Variants in PLCL2 observed in about 807,000 individuals in gnomAD.
The protein encoded by PLCL2 is phospholipase C like 2.
A neutral mutation model predicts 79.6 loss-of-function variants in PLCL2; 4 were observed. The observed-to-expected ratio is 0.05, with a 90% CI of 0.02 to 0.11. The LOEUF (loss-of-function observed/expected upper bound fraction) is 0.11, where lower values mean the gene tolerates loss of function less well. PLCL2 is among the 10% of genes least tolerant of loss of function. The probability of loss-of-function intolerance (pLI) is 1.00; values close to 1 mark genes in which losing one functional copy is unlikely to be tolerated. For missense variants in PLCL2, 895 were observed against 1,291.0 expected (o/e 0.69, Z 4.70); for synonymous variants, 484 against 457.7 (o/e 1.06, Z -0.73).
At chr3:16,949,009 T>C (rs960773467) in intron 1 of PLCL2, among the ~76,000 whole-genome samples, 3 of 152,264 alleles carry the variant, frequency 2.0e-5, no homozygotes, top group African/African-American at 7.2e-5. Context: ...CATTTTGGAC[T>C]GCTACATAGC....
chr3:16,934,360 TG>T (rs1697487136), intron 1 of PLCL2, among the ~76,000 whole-genome samples: 2 of 152,100 alleles, frequency 1.3e-5, no homozygotes, highest in South Asian at 4.1e-4. Context: ...CCCTGGAGAA[TG>T]TGAGGAACAT....
At chr3:16,931,875 A>G (rs1323155609) in intron 1 of PLCL2, among the ~76,000 whole-genome samples, 2 of 152,192 alleles carry the variant, frequency 1.3e-5, no homozygotes, top group Non-Finnish European at 2.9e-5. Context: ...ATACATTGAG[A>G]TACAATCCCC....
intron 1 of PLCL2, among the ~76,000 whole-genome samples, chr3:16,988,626 G>A (rs1395732641): frequency 6.6e-6 from 1 of 151,942 alleles, no homozygotes; most frequent in Admixed American, 6.6e-5. Flanking sequence ...TTTTGGCTGT[G>A]TCTGTACTGC....
rs2065257250 is a variant in PLCL2 at position 17,089,966 on chromosome 3, C to T, written c.*54C>T. ...TTATAACTCTAGGACCAATTGTAGT[C>T]AGATGGGACATTTGCTTTGCACTCA... On this transcript the variant is annotated 3_prime_UTR_variant, in exon 6 of 6. Coordinates refer to ENST00000615277, the MANE Select transcript of PLCL2 (RefSeq NM_001144382.2). The T allele has an allele frequency of 1.3e-6, 2 of 1,540,836 alleles. No individual in the cohort carries two copies. The highest frequency in any genetic ancestry group is 1.4e-5 in the African/African-American group (1 of 72,402).
intron 1 of PLCL2, among the ~76,000 whole-genome samples, chr3:16,955,412 G>A (rs2063695556): frequency 6.6e-6 from 1 of 152,278 alleles, no homozygotes; most frequent in South Asian, 2.1e-4. Context: ...CCAGTACCAT[G>A]CTGTTTTGGT....
chr3:16,987,478 A>G (rs2064062506), intron 1 of PLCL2, among the ~76,000 whole-genome samples: 1 of 152,286 alleles, frequency 6.6e-6, no homozygotes, highest in East Asian at 1.9e-4. Flanking sequence ...ATAGATTGTC[A>G]GCAGTATGAA....
At chr3:17,008,143 C>A (rs952634815) in intron 1 of PLCL2, among the ~76,000 whole-genome samples, 2 of 151,938 alleles carry the variant, frequency 1.3e-5, no homozygotes, top group Non-Finnish European at 2.9e-5. Flanking sequence ...TAAACTTAGT[C>A]CTTTTAATAA....
intron 1 of PLCL2, among the ~76,000 whole-genome samples, chr3:16,919,381 T>G (rs931700917): frequency 7.9e-5 from 12 of 152,172 alleles, no homozygotes; most frequent in African/African-American, 2.7e-4. Flanking sequence ...GTTTTGTTCC[T>G]CTTTTCCTTA....
intron 1 of PLCL2, among the ~76,000 whole-genome samples, chr3:17,005,674 GA>G (rs2064254016): frequency 6.6e-6 from 1 of 152,178 alleles, no homozygotes; most frequent in East Asian, 1.9e-4. Flanking sequence ...TTCCCGGTAT[GA>G]AATTGTTATT....
At chr3:16,938,894 G>A (rs1334932632) in intron 1 of PLCL2, among the ~76,000 whole-genome samples, 1 of 152,158 alleles carries the variant, frequency 6.6e-6, no homozygotes, top group Non-Finnish European at 1.5e-5. Flanking sequence ...TCAGAAATAT[G>A]AAGAAAATTT....
At chr3:16,981,001 T>C (rs7612924) in intron 1 of PLCL2, among the ~76,000 whole-genome samples, 52,855 of 152,050 alleles carry the variant, frequency 0.35, 9,605 homozygotes, top group African/African-American at 0.41. Flanking sequence ...TCAAGCGTGG[T>C]GGCGCGCGCC....
At chr3:17,087,818 T>C (rs960510729) in intron 5 of PLCL2, among the ~76,000 whole-genome samples, 2 of 152,170 alleles carry the variant, frequency 1.3e-5, no homozygotes, top group East Asian at 3.9e-4. Flanking sequence ...AAAATTAAAG[T>C]TTATTAATTT....
intron 5 of PLCL2, among the ~76,000 whole-genome samples, chr3:17,077,573 C>A (rs1306653460): frequency 2.0e-5 from 3 of 152,360 alleles, no homozygotes. Flanking sequence ...AAGACTTCCT[C>A]TACCTTTATT....
At chr3:17,000,742 A>G (rs547287233) in intron 1 of PLCL2, among the ~76,000 whole-genome samples, 1 of 152,194 alleles carries the variant, frequency 6.6e-6, no homozygotes, top group East Asian at 1.9e-4. Flanking sequence ...TGTTGCTGCA[A>G]ATGACAGTAT....
intron 1 of PLCL2, among the ~76,000 whole-genome samples, chr3:16,947,127 AT>A (rs200914734): frequency 9.3e-4 from 133 of 142,402 alleles, no homozygotes; most frequent in Middle Eastern, 3.5e-3. Context: ...GGCTAATTTT[AT>A]TTTTTTTTTT....
At chr3:16,949,574 T>C (rs1221552798) in intron 1 of PLCL2, among the ~76,000 whole-genome samples, 5 of 152,226 alleles carry the variant, frequency 3.3e-5, no homozygotes, top group Admixed American at 3.3e-4. Context: ...GGCATGCCTT[T>C]TGACTTTGTT....
intron 5 of PLCL2, among the ~76,000 whole-genome samples, chr3:17,070,046 G>A (rs1212953472): frequency 1.3e-5 from 2 of 152,148 alleles, no homozygotes; most frequent in Non-Finnish European, 2.9e-5. Context: ...AGGAACAAAT[G>A]CTCACTTTGC....
chr3:16,885,268 C>T lies in PLCL2; in HGVS notation c.229C>T (p.Arg77Cys), dbSNP rs1339522907. The change falls in exon 1 of 6, where the codon CGC (arginine) becomes TGC (cysteine). Residue 77 changes from arginine to cysteine, a missense_variant. Physicochemically the swap from Arg to Cys is radical, Grantham distance 180. Transcript: ENST00000615277. ...CCGGGCTAGCCCTACCAGGGGACCCCGCGGCGTTGCGCTCGCCCCGACCCC... is the reference window on the plus strand; with the variant it reads ...CCGGGCTAGCCCTACCAGGGGACCCTGCGGCGTTGCGCTCGCCCCGACCCC... ...EARASPTRGP[R>C]GVALAPTPSA... 5 of 664,920 alleles carry T rather than the reference C, an allele frequency of 7.5e-6. No homozygotes were observed. The highest frequency in any genetic ancestry group is 2.2e-5 in the Admixed American group (1 of 44,688). The allele number at this position is 664,920 out of a possible 1,614,324, so 41.2% of individuals were successfully genotyped here.
rs1463333816 is a variant in PLCL2 at position 17,023,507 on chromosome 3, A to T, written c.3018+8596A>T. On this transcript the variant is annotated intron_variant, in intron 3 of 5. Coordinates refer to ENST00000615277, the MANE Select transcript of PLCL2 (RefSeq NM_001144382.2). ...AAGTCTCATGAAACCTGATGGGTTT[A>T]TCAGGGATTTCCACTTTGCTTCTTT... Among the ~76,000 whole-genome samples the T allele has an allele frequency of 1.3e-5, 2 of 152,178 alleles. 1 individual carries two copies. Among genetic ancestry groups the T allele is most frequent in the East Asian group, 3.8e-4 (2 of 5,196 alleles).
Sources: gnomAD v4.1 joint callset for allele counts (sites outside exome capture counted in the v4.1 genomes callset) on GRCh38, gnomAD v4.1.1 for gene constraint, MANE v1.5 for transcripts, NCBI Gene and HGNC (gene_info 2026-07-23, HGNC 2026-07-21) for gene names.